CADM2: variants seen among roughly 807,000 people sequenced by gnomAD.
CADM2 encodes cell adhesion molecule 2, also known as immunoglobulin superfamily member 4D.
CADM2 carries 12 observed loss-of-function variants against 49.8 expected under a neutral mutation model. The observed-to-expected ratio is 0.24, with a 90% CI of 0.15 to 0.39. The LOEUF is 0.39. Ranked by LOEUF, CADM2 falls within the 10% of genes least tolerant of loss-of-function variation. The pLI is 1.00. For synonymous variants in CADM2, 214 were observed against 175.4 expected (o/e 1.22, Z -1.74); for missense variants, 378 against 492.3 (o/e 0.77, Z 2.20).
chr3:85,119,813 G>A (rs1417577766), intron 1 of CADM2, among the ~76,000 whole-genome samples: 2 of 152,078 alleles, frequency 1.3e-5, no homozygotes, highest in Non-Finnish European at 1.5e-5. Context: ...TCTATTGTTG[G>A]TGTATATGAA....
intron 1 of CADM2, among the ~76,000 whole-genome samples, chr3:85,178,450 A>C (rs1406915358): frequency 6.6e-6 from 1 of 151,982 alleles, no homozygotes; most frequent in Non-Finnish European, 1.5e-5. Context: ...TTTTGGAAAC[A>C]TTTAAAGCCT....
intron 1 of CADM2, among the ~76,000 whole-genome samples, chr3:85,520,828 A>G (rs2061012149): frequency 6.6e-6 from 1 of 152,054 alleles, no homozygotes; most frequent in South Asian, 2.1e-4. Context: ...TTTAATTCCA[A>G]ATTATTGCAG....
chr3:86,070,664 A>C lies in CADM2; in HGVS notation c.*3881A>C, dbSNP rs2107460775. 1 of 152,004 alleles carries C rather than the reference A, an allele frequency of 6.6e-6. No individual in the cohort carries two copies. Among genetic ancestry groups the C allele is most frequent in the Middle Eastern group, 3.4e-3 (1 of 294 alleles). The allele number at this position is 152,004 out of a possible 1,614,324, so 9.4% of individuals were successfully genotyped here. A position where few individuals can be genotyped will look rare whatever the true frequency, so the allele number is the denominator to read the frequency against. On this transcript the variant is annotated 3_prime_UTR_variant, in exon 10 of 10. Transcript: ENST00000383699. ...AAAAAGCAGTAATCACAGCCAAATA[A>C]ATGAAACACCTAATGAGAATTACTG...
At chr3:85,710,899 A>G (rs974284703) in intron 1 of CADM2, among the ~76,000 whole-genome samples, 4 of 152,140 alleles carry the variant, frequency 2.6e-5, no homozygotes, top group African/African-American at 9.6e-5. Flanking sequence ...CTTTGATGGT[A>G]CCTTCTAACT....
At chr3:85,359,648 A>G (rs1336530583) in intron 1 of CADM2, among the ~76,000 whole-genome samples, 3 of 13,658 alleles carry the variant, frequency 2.2e-4, no homozygotes, top group Middle Eastern at 0.05. Flanking sequence ...ATATATATAT[A>G]TATATATATA....
At chr3:85,436,531 T>A (rs1214312988) in intron 1 of CADM2, among the ~76,000 whole-genome samples, 1 of 152,162 alleles carries the variant, frequency 6.6e-6, no homozygotes, top group Non-Finnish European at 1.5e-5. Context: ...CCATTCAGCA[T>A]GATATTGACT....
intron 1 of CADM2, among the ~76,000 whole-genome samples, chr3:85,336,493 C>CT (rs1217577037): frequency 6.6e-6 from 1 of 151,192 alleles, no homozygotes; most frequent in Non-Finnish European, 1.5e-5. Flanking sequence ...CGAATGTTTT[C>CT]TTTTTTCAGT....
intron 2 of CADM2, among the ~76,000 whole-genome samples, chr3:85,739,433 T>A (rs1008454653): frequency 1.3e-5 from 2 of 152,108 alleles, no homozygotes; most frequent in Non-Finnish European, 2.9e-5. Context: ...GGATCTGTTT[T>A]CTTTTAAAAT....
intron 1 of CADM2, among the ~76,000 whole-genome samples, chr3:85,077,586 T>C (rs1045547335): frequency 5.7e-4 from 86 of 152,184 alleles, no homozygotes; most frequent in African/African-American, 2.0e-3. Context: ...TAAGTATATA[T>C]TAAATAGTTT....
chr3:85,879,924 A>G (rs769309451), intron 3 of CADM2, among the ~76,000 whole-genome samples: 1 of 152,168 alleles, frequency 6.6e-6, no homozygotes, highest in Non-Finnish European at 1.5e-5. Context: ...TGTATCCATC[A>G]CTACAATCAA....
intron 1 of CADM2, among the ~76,000 whole-genome samples, chr3:85,067,259 G>A (rs1559643471): frequency 6.6e-6 from 1 of 151,662 alleles, no homozygotes; most frequent in East Asian, 1.9e-4. Flanking sequence ...ATTTTTGGAA[G>A]TAATGCACAT....
chr3:85,055,997 T>C (rs1328459424), intron 1 of CADM2, among the ~76,000 whole-genome samples: 1 of 152,064 alleles, frequency 6.6e-6, no homozygotes, highest in Non-Finnish European at 1.5e-5. Flanking sequence ...AAAAGGTCAG[T>C]TAAGGGCTCT....
rs905003635 is a variant in CADM2, at chr3:85,886,224, A to T, written c.426A>T (p.Ser142=). The change falls in exon 5 of 10, where the codon TCA becomes TCT. Residue 142 remains serine, a synonymous_variant. Transcript: ENST00000383699. The part of the protein sequence containing the change: ...VPEKPQISGF[S]SPVMEGDLMQ... ...AAAAGCCTCAGATTAGTGGATTCTC[A>T]TCACCAGTTATGGAGGGTGACTTGA... is the stretch of plus-strand genomic sequence containing the variant. The T allele has an allele frequency of 1.2e-6, 2 of 1,613,764 alleles. No homozygotes were observed. Among genetic ancestry groups the T allele is most frequent in the Non-Finnish European group, 1.7e-6 (2 of 1,179,838 alleles).
chr3:85,745,310 A>C (rs2068570228), intron 2 of CADM2, among the ~76,000 whole-genome samples: 2 of 152,208 alleles, frequency 1.3e-5, no homozygotes, highest in Non-Finnish European at 2.9e-5. Context: ...GTAATCATTC[A>C]ACATTTTTAT....
chr3:85,551,320 G>A (rs2061797356), intron 1 of CADM2, among the ~76,000 whole-genome samples: 1 of 152,086 alleles, frequency 6.6e-6, no homozygotes, highest in Non-Finnish European at 1.5e-5. Context: ...GCAATTCTGT[G>A]ATAAGCAAGT....
At chr3:85,351,833 C>A (rs1285071731) in intron 1 of CADM2, among the ~76,000 whole-genome samples, 1 of 152,054 alleles carries the variant, frequency 6.6e-6, no homozygotes, top group Admixed American at 6.6e-5. Flanking sequence ...TGTATAAGAA[C>A]TGCATAGAGA....
chr3:85,732,100 A>AAAAG (rs2067957759), intron 2 of CADM2, among the ~76,000 whole-genome samples: 3 of 150,128 alleles, frequency 2.0e-5, no homozygotes. Flanking sequence ...ATACCAAAAA[A>AAAAG]AAAAAAAAAA....
At chr3:85,175,675 C>G (rs1268496901) in intron 1 of CADM2, among the ~76,000 whole-genome samples, 1 of 151,966 alleles carries the variant, frequency 6.6e-6, no homozygotes, top group East Asian at 1.9e-4. Context: ...ATGGTGGTGA[C>G]AACAATGCGA....
intron 7 of CADM2, among the ~76,000 whole-genome samples, chr3:85,940,491 G>A (rs1693852032): frequency 6.6e-6 from 1 of 151,992 alleles, no homozygotes; most frequent in Non-Finnish European, 1.5e-5. Flanking sequence ...AAGAAAGCAA[G>A]TTATCATCTA....
Sources: gnomAD v4.1 joint callset for allele counts (sites outside exome capture counted in the v4.1 genomes callset) on GRCh38, gnomAD v4.1.1 for gene constraint, MANE v1.5 for transcripts, NCBI Gene and HGNC (gene_info 2026-07-23, HGNC 2026-07-21) for gene names.